The following TFPT variants were observed in gnomAD, a reference collection of about 807,000 sequenced individuals.
TFPT encodes the protein INO80 complex subunit F.
A neutral mutation model predicts 28.8 loss-of-function variants in TFPT; 27 were observed. The observed-to-expected ratio is 0.94, with a 90% confidence interval of 0.69 to 1.29. The LOEUF (loss-of-function observed/expected upper bound fraction) is 1.29. TFPT is among the 50% of genes most tolerant of loss of function. The pLI, the probability that TFPT is intolerant of heterozygous loss-of-function variation, is 0.00. For synonymous variants in TFPT, 152 were observed against 142.8 expected, an observed-to-expected ratio of 1.06 and a Z score of -0.46; for missense variants, 330 against 338.0, an observed-to-expected ratio of 0.98 and a Z score of 0.19.
At chr19:54,110,493 G>A (rs749580173) in intron 2 of TFPT, among the ~76,000 whole-genome samples, 1 of 152,138 alleles carries the variant, frequency 6.6e-6, no homozygotes, top group East Asian at 1.9e-4. Flanking sequence ...TTGGGAGGCC[G>A]AGGCGAGTAG....
chr19:54,112,457 C>G (rs1034345581), intron 2 of TFPT, among the ~76,000 whole-genome samples: 6 of 152,086 alleles, frequency 3.9e-5, no homozygotes, highest in South Asian at 2.1e-4. Flanking sequence ...TGCCCCTGGC[C>G]TCTAGCCTTC....
chr19:54,109,753 G>A (rs1398849559), intron 3 of TFPT, among the ~76,000 whole-genome samples: 2 of 51,116 alleles, frequency 3.9e-5, no homozygotes, highest in East Asian at 1.7e-3. Context: ...CTGTGCTCGT[G>A]TGCCTTCCAT....
chr19:54,111,497 TAA>T (rs11304668), intron 2 of TFPT, among the ~76,000 whole-genome samples: 18,762 of 110,864 alleles, frequency 0.17, 1,302 homozygotes, highest in Admixed American at 0.24. Context: ...TCATCTCTAC[TAA>T]AAAAAAAAAA....
intron 5 of TFPT, 139 bp from the exon 6 acceptor site, chr19:54,107,308 G>T (rs1212342647): frequency 1.7e-6 from 2 of 1,170,794 alleles, no homozygotes; most frequent in Admixed American, 2.3e-5. Context: ...GAGTGCAGTG[G>T]TGCCATCATA....
chr19:54,113,033 C>A (rs375127756), intron 2 of TFPT, among the ~76,000 whole-genome samples: 88 of 123,088 alleles, frequency 7.1e-4, no homozygotes, highest in African/African-American at 2.7e-3. Context: ...GTGGAGGTTA[C>A]AGTGAGCTGA....
chr19:54,108,385 T>G lies in TFPT; in HGVS notation c.364A>C (p.Arg122=). 6.2e-7 allele frequency: 1 copy of G among 1,613,642 alleles called. No individual in the cohort carries two copies. Among genetic ancestry groups the G allele is most frequent in the Non-Finnish European group, 8.5e-7 (1 of 1,179,786 alleles). Residue 122 remains arginine, a synonymous_variant, in exon 4 of 6, where the codon AGA becomes CGA. Transcript: ENST00000391759. ...TCATCCCCGTAGGAGTCCAGCACTC[T>G]CATGAGGAACCTGCTCAGGGGGAGA... ...RLQQERRFLM[R]VLDSYGDDYR...
At chr19:54,112,802 A>G (rs2073490990) in intron 2 of TFPT, among the ~76,000 whole-genome samples, 3 of 151,822 alleles carry the variant, frequency 2.0e-5, no homozygotes, top group Non-Finnish European at 1.5e-5. Flanking sequence ...AAAGAGAAAA[A>G]GAGTTGAAGG....
chr19:54,110,351 C>T (rs2073419196), intron 2 of TFPT, among the ~76,000 whole-genome samples: 1 of 152,122 alleles, frequency 6.6e-6, no homozygotes, highest in Non-Finnish European at 1.5e-5. Flanking sequence ...ACCCTCTCCC[C>T]AGTCATCCGC....
chr19:54,107,884 C>CACCGGGGGCTGGGCTGCCGGGTTCT, intron 5 of TFPT, 142 bp downstream of exon 5: 1 of 777,664 alleles, frequency 1.3e-6, no homozygotes, highest in Non-Finnish European at 1.9e-6. Flanking sequence ...CTGGGCCCCT[C>CACCGGGGGCTGGGCTGCCGGGTTCT]GGGGTGCAGA....
chr19:54,108,107 G>A lies in TFPT; in HGVS notation c.561C>T (p.Pro187=), dbSNP rs2073330023. 3.8e-6 allele frequency: 6 copies of A among 1,573,462 alleles called. No homozygotes were observed. The highest frequency in any genetic ancestry group is 5.2e-6 in the Non-Finnish European group (6 of 1,159,536). ...EPGSPAPGEG[P]SGRKRRRVPR... is the part of the protein sequence containing the mutation. ...GCACTCGCCGCCTCTTCCGCCCACT[G>A]GGCCCCTCACCGGGGGCTGGGCTGC... The change falls in exon 5 of 6, where the codon CCC becomes CCT. Residue 187 remains proline (P), a synonymous_variant. Coordinates refer to ENST00000391759, the MANE Select transcript of TFPT (RefSeq NM_013342.4).
rs1381300743 is a variant in TFPT at position 54,114,662 on chromosome 19, G to A, written c.62C>T (p.Pro21Leu). The change falls in exon 2 of 6, where the codon CCG becomes CTG. Residue 21 changes from proline to leucine, a missense_variant. By Grantham distance (98) the Pro-to-Leu change is moderately conservative. Transcript: ENST00000391759. Reference protein sequence around the residue: ...AAVGFEEFSAPPGSELALPPL... With the variant: ...AAVGFEEFSALPGSELALPPL... ...AGGCAACGCCAACTCTGAGCCTGGC[G>A]GCGCTGAGAACTCCTCAAAGCCCAC... is the stretch of plus-strand genomic sequence containing the variant. 2 of 1,613,734 alleles carry A rather than the reference G, an allele frequency of 1.2e-6. No individual in the cohort carries two copies. Among genetic ancestry groups the A allele is most frequent in the Non-Finnish European group, 1.7e-6 (2 of 1,180,034 alleles).
At chr19:54,111,896 C>T (rs906064718) in intron 2 of TFPT, among the ~76,000 whole-genome samples, 1 of 152,064 alleles carries the variant, frequency 6.6e-6, no homozygotes, top group Admixed American at 6.6e-5. Flanking sequence ...AGGAGAATCG[C>T]TTGAACCCAG....
chr19:54,108,001 C>A (rs758670981), intron 5 of TFPT, 25 bp downstream of exon 5: 3 of 1,514,572 alleles, frequency 2.0e-6, no homozygotes. Flanking sequence ...CCCAGTCCCT[C>A]CCCTTGAGTT....
intron 2 of TFPT, among the ~76,000 whole-genome samples, chr19:54,111,068 GC>G (rs1289844773): frequency 6.6e-6 from 1 of 152,170 alleles, no homozygotes; most frequent in Non-Finnish European, 1.5e-5. Context: ...AGGCCCGTGG[GC>G]CCAGACTTGA....
At chr19:54,109,561 G>A (rs1196741413) in intron 3 of TFPT, among the ~76,000 whole-genome samples, 6 of 152,162 alleles carry the variant, frequency 3.9e-5, no homozygotes, top group Non-Finnish European at 7.4e-5. Context: ...CACCTGGGCA[G>A]GTTCTGTGGA....
chr19:54,115,444 C>T lies in TFPT; in HGVS notation c.-175G>A. 2 of 767,334 alleles carry T rather than the reference C, an allele frequency of 2.6e-6. No individual in the cohort carries two copies. Among genetic ancestry groups the T allele is most frequent in the South Asian group, 1.7e-5 (1 of 60,240 alleles). The allele number at this position is 767,334 out of a possible 1,614,324, so 47.5% of individuals were successfully genotyped here. A position where few individuals can be genotyped will look rare whatever the true frequency, so the allele number is the denominator to read the frequency against. Reference sequence around the variant, plus strand: ...GTTTCCGGCTTCGCTTCGGCCCACCCCCACGTCCACCCCGAATCCCTGCTT... The same window carrying T: ...GTTTCCGGCTTCGCTTCGGCCCACCTCCACGTCCACCCCGAATCCCTGCTT... On this transcript the variant is annotated 5_prime_UTR_variant, in exon 1 of 6. Transcript: ENST00000391759.
chr19:54,107,929 C>A, intron 5 of TFPT, 97 bp downstream of exon 5: 2 of 1,333,774 alleles, frequency 1.5e-6, no homozygotes, highest in East Asian at 2.4e-5. Context: ...TAACTCAGCC[C>A]CAGCCCTGGC....
At chr19:54,107,972 C>T (rs1191367126) in intron 5 of TFPT, 54 bp downstream of exon 5, 1 of 1,498,048 alleles carries the variant, frequency 6.7e-7, no homozygotes, top group African/African-American at 1.4e-5. Flanking sequence ...CTTACCTGCA[C>T]TGGCGCCGGC....
rs2073286603 is a variant in TFPT at position 54,107,052 on chromosome 19, A to C, written c.760T>G (p.Ter254GlyextTer?). 2 of 1,613,454 alleles carry C rather than the reference A, an allele frequency of 1.2e-6. No individual in the cohort carries two copies. ...YPTLASPASD[*>G] The stretch of plus-strand genomic sequence containing the variant: ...GGGGTCAGTTTATTGGGCATGCGTC[A>C]GTCAGAGGCTGGGCTGGCCAGGGTC... The change falls in exon 6 of 6, where the codon TGA (stop) becomes GGA (glycine). Residue 254 changes from the stop codon to glycine, a stop_lost. Coordinates refer to ENST00000391759, the MANE Select transcript of TFPT (RefSeq NM_013342.4).
Sources: gnomAD v4.1 joint callset for allele counts (sites outside exome capture counted in the v4.1 genomes callset) on GRCh38, gnomAD v4.1.1 for gene constraint, MANE v1.5 for transcripts, NCBI Gene and HGNC (gene_info 2026-07-23, HGNC 2026-07-21) for gene names.